MYT1L: variants seen among roughly 807,000 people sequenced by gnomAD.
The protein encoded by MYT1L is myelin transcription factor 1-like protein.
In MYT1L, 12 loss-of-function variants were observed where a neutral mutation model predicts 126.7. That is an observed-to-expected ratio of 0.09 (90% CI 0.06 to 0.15). MYT1L has a LOEUF of 0.15. Ranked by LOEUF, MYT1L falls within the 10% of genes least tolerant of loss-of-function variation. The pLI, the probability that MYT1L is intolerant of heterozygous loss-of-function variation, is 1.00. For synonymous variants in MYT1L, 541 were observed against 604.2 expected, an observed-to-expected ratio of 0.90 and a Z score of 1.53; for missense variants, 979 against 1,585.2, an observed-to-expected ratio of 0.62 and a Z score of 6.49.
At chr2:2,157,452 G>A (rs553070952) in intron 3 of MYT1L, among the ~76,000 whole-genome samples, 1 of 152,180 alleles carries the variant, frequency 6.6e-6, no homozygotes, top group African/African-American at 2.4e-5. Context: ...ACTTTTAGGG[G>A]AAAAGCAGAG....
At chr2:2,029,140 T>C (rs2065948298) in intron 4 of MYT1L, among the ~76,000 whole-genome samples, 1 of 152,176 alleles carries the variant, frequency 6.6e-6, no homozygotes, top group Non-Finnish European at 1.5e-5. Context: ...AAGAGAAAGG[T>C]AATATTTTAT....
At chr2:1,800,860 C>A (rs1292500518) in intron 23 of MYT1L, among the ~76,000 whole-genome samples, 1 of 151,996 alleles carries the variant, frequency 6.6e-6, no homozygotes. Context: ...CCCCGAGAAC[C>A]TCATCACACC....
chr2:2,305,677 G>A (rs1340730859), intron 1 of MYT1L, among the ~76,000 whole-genome samples: 2 of 152,148 alleles, frequency 1.3e-5, no homozygotes, highest in Non-Finnish European at 2.9e-5. Context: ...CAGGATACAT[G>A]ACTGGGGAGG....
intron 2 of MYT1L, among the ~76,000 whole-genome samples, chr2:2,265,030 T>A (rs901177053): frequency 3.0e-5 from 4 of 132,380 alleles, no homozygotes; most frequent in African/African-American, 6.0e-5. Flanking sequence ...TCTTTTTTAA[T>A]TTTTTTTTTT....
chr2:1,983,846 C>A (rs1432085592), intron 5 of MYT1L, among the ~76,000 whole-genome samples: 2 of 152,208 alleles, frequency 1.3e-5, no homozygotes, highest in East Asian at 3.8e-4. Flanking sequence ...AAGTTCACCT[C>A]AGTTATCACT....
chr2:2,252,698 C>T (rs2094686865), intron 2 of MYT1L, among the ~76,000 whole-genome samples: 1 of 152,158 alleles, frequency 6.6e-6, no homozygotes. Context: ...TCCCCACCAC[C>T]AAAGACCACA....
intron 3 of MYT1L, among the ~76,000 whole-genome samples, chr2:2,161,710 C>T (rs2148433573): frequency 6.6e-6 from 1 of 152,286 alleles, no homozygotes; most frequent in East Asian, 1.9e-4. Flanking sequence ...GCTGGGGACG[C>T]CAGCTCCCAG....
intron 2 of MYT1L, among the ~76,000 whole-genome samples, chr2:2,267,041 G>C (rs2095148969): frequency 6.6e-6 from 1 of 152,212 alleles, no homozygotes. Flanking sequence ...GGGAGGATGG[G>C]TCCTACGGCC....
chr2:2,002,654 C>T lies in MYT1L; in HGVS notation c.-157-5307G>A, dbSNP rs572693793. 2.2e-3 allele frequency among the ~76,000 whole-genome samples: 331 copies of T among 152,294 alleles called. 1 individual carries two copies. Among genetic ancestry groups the T allele is most frequent in the Non-Finnish European group, 3.4e-3 (234 of 68,026 alleles). On this transcript the variant is annotated intron_variant, in intron 4 of 24. Coordinates refer to ENST00000647738, the MANE Select transcript of MYT1L (RefSeq NM_001303052.2). ...AATGTTTTTCAGGGTAAATATTCAA[C>T]ATGATACTTTAGCCTTGTGATATGT...
rs17039518 is a variant in MYT1L, at chr2:2,285,242, C to T, written c.-520-739G>A. ...GACTTGGGGAGTGCATCGTGAATTG[C>T]ATTATGGCAATGTATGCAGGTTCAA... On this transcript the variant is annotated intron_variant, in intron 1 of 24. Transcript: ENST00000647738. Among the ~76,000 whole-genome samples the T allele has an allele frequency of 8.5e-3, 1,291 of 152,224 alleles. 18 individuals are homozygous for T. Among genetic ancestry groups the T allele is most frequent in the African/African-American group, 0.025 (1,055 of 41,538 alleles).
At chr2:2,301,825 TAAAAAAAAAAAA>T in intron 1 of MYT1L, among the ~76,000 whole-genome samples, 1 of 96,902 alleles carries the variant, frequency 1.0e-5, no homozygotes, top group South Asian at 3.1e-4. Flanking sequence ...CCTGTCTGTC[TAAAAAAAAAAAA>T]AAAAAAAAGA....
chr2:2,040,694 A>G (rs2067432893), intron 4 of MYT1L, among the ~76,000 whole-genome samples: 1 of 152,208 alleles, frequency 6.6e-6, no homozygotes, highest in Non-Finnish European at 1.5e-5. Context: ...AAAAGCATCA[A>G]TATTTAATTT....
chr2:2,062,130 T>C (rs2070607166), intron 3 of MYT1L, among the ~76,000 whole-genome samples: 1 of 152,238 alleles, frequency 6.6e-6, no homozygotes, highest in Non-Finnish European at 1.5e-5. Context: ...GCCCCCAGCA[T>C]GGTTGTACTG....
intron 2 of MYT1L, among the ~76,000 whole-genome samples, chr2:2,237,576 T>C (rs1001974893): frequency 4.6e-5 from 7 of 152,202 alleles, no homozygotes; most frequent in African/African-American, 1.4e-4. Flanking sequence ...TTTCCTCTCA[T>C]GGCCTCTTTA....
chr2:1,947,024 T>C (rs13405833), intron 8 of MYT1L, among the ~76,000 whole-genome samples: 2,194 of 152,288 alleles, frequency 0.014, 46 homozygotes, highest in East Asian at 0.1. Flanking sequence ...CCCAGCTTCC[T>C]TCTCCTTCAT....
chr2:1,939,765 G>T (rs2056423580), intron 9 of MYT1L, among the ~76,000 whole-genome samples: 1 of 152,148 alleles, frequency 6.6e-6, no homozygotes, highest in South Asian at 2.1e-4. Context: ...ACCCTGATGG[G>T]GTATAAGAGA....
intron 2 of MYT1L, among the ~76,000 whole-genome samples, chr2:2,205,707 A>G (rs2148863059): frequency 6.6e-6 from 1 of 152,208 alleles, no homozygotes; most frequent in Non-Finnish European, 1.5e-5. Flanking sequence ...ACTCTCCTCA[A>G]TGCTACCAGG....
chr2:2,184,688 G>A (rs561825972), intron 2 of MYT1L, among the ~76,000 whole-genome samples: 17 of 152,248 alleles, frequency 1.1e-4, no homozygotes, highest in Admixed American at 1.1e-3. Context: ...GCCCACCAAT[G>A]GGCTGGCGGC....
At position 1,852,659 on chromosome 2, in the gene MYT1L, T is replaced by A. The variant is rs2043424248; in HGVS notation, c.2712-956A>T. On this transcript the variant is annotated intron_variant, in intron 18 of 24. Coordinates refer to ENST00000647738, the MANE Select transcript of MYT1L (RefSeq NM_001303052.2). This position sits in a 1 kb window ranked among gnomAD's most constrained non-coding sequence, Gnocchi z 4.0. ...CAGTTGCATTTGCGCCCACCATGAA[T>A]GTAAAAATTAAGAAAAAATTCCCTT... 6.6e-6 allele frequency among the ~76,000 whole-genome samples: 1 copy of A among 152,088 alleles called. No homozygotes were observed. Among genetic ancestry groups the A allele is most frequent in the African/African-American group, 2.4e-5 (1 of 41,386 alleles).
Sources: allele counts gnomAD v4.1 joint callset (sites outside exome capture counted in the v4.1 genomes callset), GRCh38; gene constraint gnomAD v4.1.1; non-coding constraint Gnocchi (gnomAD v3.1); transcripts MANE v1.5; gene names NCBI Gene and HGNC (gene_info 2026-07-23, HGNC 2026-07-21).